RAD52: variants seen among roughly 807,000 people sequenced by gnomAD.
RAD52 encodes RAD52 DNA repair protein.
Under a neutral mutation model 55.5 loss-of-function variants are expected in RAD52, and 47 were observed. The observed-to-expected ratio is 0.85, with a 90% confidence interval of 0.67 to 1.08. The LOEUF (loss-of-function observed/expected upper bound fraction) is 1.08. Ranked by LOEUF, RAD52 falls within the 50% of genes least tolerant of loss-of-function variation. RAD52 has a pLI of 0.00. For missense variants in RAD52, 468 were observed against 522.8 expected (o/e 0.90, Z 1.02); for synonymous variants, 184 against 198.9 (o/e 0.92, Z 0.63).
intron 1 of RAD52, among the ~76,000 whole-genome samples, chr12:943,308 G>A (rs1958013285): frequency 6.6e-6 from 1 of 152,218 alleles, no homozygotes; most frequent in African/African-American, 2.4e-5. Flanking sequence ...CACACGTCCA[G>A]GGAGTAGAGC....
intron 1 of RAD52, among the ~76,000 whole-genome samples, chr12:971,346 G>A (rs918607538): frequency 2.0e-4 from 30 of 152,068 alleles, no homozygotes; most frequent in Non-Finnish European, 2.9e-4. Context: ...TTCCTCTAGT[G>A]TGAGAATTAT....
chr12:947,195 G>A (rs895422347), intron 1 of RAD52, among the ~76,000 whole-genome samples: 1 of 151,852 alleles, frequency 6.6e-6, no homozygotes, highest in African/African-American at 2.4e-5. Context: ...GTGTGGTGGT[G>A]CACACCTGTA....
chr12:925,215 G>A (rs1956966689), intron 7 of RAD52, among the ~76,000 whole-genome samples: 1 of 152,286 alleles, frequency 6.6e-6, no homozygotes, highest in South Asian at 2.1e-4. Context: ...CTCCCAAAGT[G>A]CTGGGATTCC....
At chr12:928,282 C>T (rs768884918) in intron 5 of RAD52, among the ~76,000 whole-genome samples, 8 of 152,116 alleles carry the variant, frequency 5.3e-5, no homozygotes, top group Non-Finnish European at 1.2e-4. Context: ...GAGGCCAAGG[C>T]GGGTGGATCA....
intron 1 of RAD52, among the ~76,000 whole-genome samples, chr12:933,459 G>GAAAA (rs35399875): frequency 4.3e-5 from 6 of 139,714 alleles, no homozygotes; most frequent in African/African-American, 8.1e-5. Context: ...TCCATTTCAG[G>GAAAA]AAAAAAAAAA....
chr12:966,578 C>CT (rs536718276), intron 1 of RAD52, among the ~76,000 whole-genome samples: 48 of 149,582 alleles, frequency 3.2e-4, no homozygotes, highest in Admixed American at 1.3e-3. Context: ...CTTCTATTGG[C>CT]TTTTTTTTTT....
intron 1 of RAD52, among the ~76,000 whole-genome samples, chr12:933,911 C>T (rs1957470630): frequency 6.6e-6 from 1 of 151,830 alleles, no homozygotes; most frequent in South Asian, 2.1e-4. Context: ...TGCTTGAGCC[C>T]AGGAGTTTGA....
chr12:973,776 G>C (rs975886509), intron 1 of RAD52, among the ~76,000 whole-genome samples: 1 of 136,840 alleles, frequency 7.3e-6, no homozygotes, highest in African/African-American at 2.9e-5. Flanking sequence ...ACCACGCCCA[G>C]TCCTTCTTTT....
At chr12:960,826 A>G (rs189476873) in intron 1 of RAD52, among the ~76,000 whole-genome samples, 1 of 152,164 alleles carries the variant, frequency 6.6e-6, no homozygotes, top group African/African-American at 2.4e-5. Context: ...GAAAATGTCA[A>G]CTTAATATGT....
At chr12:944,963 G>A (rs1212765640) in intron 1 of RAD52, among the ~76,000 whole-genome samples, 2 of 151,866 alleles carry the variant, frequency 1.3e-5, no homozygotes, top group Admixed American at 6.6e-5. Context: ...GGTCAAGAAC[G>A]GCTTGATGAA....
At chr12:966,784 G>A (rs910075339) in intron 1 of RAD52, among the ~76,000 whole-genome samples, 5 of 152,006 alleles carry the variant, frequency 3.3e-5, no homozygotes, top group African/African-American at 9.7e-5. Context: ...ACTGTCTACT[G>A]AGGAAACAGA....
intron 1 of RAD52, among the ~76,000 whole-genome samples, chr12:937,651 T>C (rs1289155681): frequency 6.6e-6 from 1 of 151,952 alleles, no homozygotes; most frequent in Non-Finnish European, 1.5e-5. Context: ...CTCTCGAACT[T>C]CTGACCTCAG....
At chr12:914,620 A>C in intron 9 of RAD52, 88 bp from the exon 10 acceptor site, 1 of 1,510,520 alleles carries the variant, frequency 6.6e-7, no homozygotes, top group Non-Finnish European at 9.0e-7. Flanking sequence ...CTCTTGTTAG[A>C]GGGAACACTC....
chr12:914,652 G>C (rs1592306791), intron 9 of RAD52, 120 bp from the exon 10 acceptor site: 2 of 1,174,178 alleles, frequency 1.7e-6, no homozygotes, highest in East Asian at 2.6e-5. Flanking sequence ...ACACCGCTTA[G>C]GGCTGCGCTG....
chr12:965,832 A>C (rs1056845729), intron 1 of RAD52, among the ~76,000 whole-genome samples: 1 of 151,700 alleles, frequency 6.6e-6, no homozygotes, highest in Non-Finnish European at 1.5e-5. Context: ...GATTACACAT[A>C]TGCACCACCA....
At chr12:979,484 T>C (rs1958980955) in intron 1 of RAD52, among the ~76,000 whole-genome samples, 1 of 151,818 alleles carries the variant, frequency 6.6e-6, no homozygotes, top group Non-Finnish European at 1.5e-5. Context: ...AGAATGGGGC[T>C]CTTAACAGAT....
rs578042696 is a variant in RAD52 at position 929,972 on chromosome 12, C to G, written c.280+79G>C. On this transcript the variant is annotated intron_variant, in intron 4 of 11. Transcript: ENST00000358495. Reference sequence around the variant, plus strand: ...TCCTGCTGGCAGCTGAGTCCACCTACCTTACCTCCTCACCCACAGCAGACT... The same window carrying G: ...TCCTGCTGGCAGCTGAGTCCACCTAGCTTACCTCCTCACCCACAGCAGACT... The G allele has an allele frequency of 1.1e-4, 177 of 1,570,886 alleles. 2 individuals are homozygous for G. The Middle Eastern group carries it at 2.5e-3, about 22-fold the overall frequency.
At chr12:929,436 A>C (rs4766375) in intron 5 of RAD52, among the ~76,000 whole-genome samples, 128,362 of 151,706 alleles carry the variant, frequency 0.85, 54,407 homozygotes, top group African/African-American at 0.89. Context: ...TTAACAAAAC[A>C]TATTTTTGTT....
At chr12:938,779 G>A (rs991404535) in intron 1 of RAD52, among the ~76,000 whole-genome samples, 1 of 152,172 alleles carries the variant, frequency 6.6e-6, no homozygotes, top group African/African-American at 2.4e-5. Context: ...ATAAAGAAAA[G>A]CTATAAAGAA....
Sources: gnomAD v4.1 joint callset for allele counts (sites outside exome capture counted in the v4.1 genomes callset) on GRCh38, gnomAD v4.1.1 for gene constraint, MANE v1.5 for transcripts, NCBI Gene and HGNC (gene_info 2026-07-23, HGNC 2026-07-21) for gene names.